The following PTPRD variants were observed in gnomAD, a reference collection of about 807,000 sequenced individuals.
PTPRD encodes the protein protein tyrosine phosphatase receptor type D.
PTPRD carries 34 observed loss-of-function variants against 214.5 expected under a neutral mutation model. That is an observed-to-expected ratio of 0.16 (90% CI 0.12 to 0.21). The LOEUF (loss-of-function observed/expected upper bound fraction) is 0.21, where lower values mean the gene tolerates loss of function less well. Among genes scored for constraint, PTPRD ranks in the 10% least tolerant of loss-of-function variants. The pLI is 1.00. For missense variants in PTPRD, 2,545 were observed against 2,398.7 expected (o/e 1.06, Z -1.27); for synonymous variants, 1,128 against 845.7 (o/e 1.33, Z -5.79).
intron 7 of PTPRD, among the ~76,000 whole-genome samples, chr9:9,607,917 T>C (rs1203402839): frequency 2.6e-5 from 4 of 151,976 alleles, no homozygotes; most frequent in Non-Finnish European, 2.9e-5. Context: ...CTCAGTCAAA[T>C]ACACCCAGCA....
chr9:10,236,990 G>C lies in PTPRD; in HGVS notation c.-545+103973C>G, dbSNP rs190468194. 4.0e-3 allele frequency among the ~76,000 whole-genome samples: 614 copies of C among 151,946 alleles called. 2 individuals carry two copies. The highest frequency in any genetic ancestry group is 0.014 in the African/African-American group (587 of 41,488). ...ATTTTTAGAGCAGTGAGAATATTCTGTATGATACAATAATGTTAATACATG... is the reference window on the plus strand; with the variant it reads ...ATTTTTAGAGCAGTGAGAATATTCTCTATGATACAATAATGTTAATACATG... On this transcript the variant is annotated intron_variant, in intron 3 of 45. Coordinates refer to ENST00000381196, the MANE Select transcript of PTPRD (RefSeq NM_002839.4).
chr9:10,023,322 G>T (rs1341083522), intron 4 of PTPRD, among the ~76,000 whole-genome samples: 1 of 152,090 alleles, frequency 6.6e-6, no homozygotes, highest in Non-Finnish European at 1.5e-5. Context: ...ATTGGGAAAG[G>T]AACCTGGGCC....
chr9:8,466,212 C>T (rs1008648032), intron 31 of PTPRD, among the ~76,000 whole-genome samples: 1 of 151,862 alleles, frequency 6.6e-6, no homozygotes, highest in Non-Finnish European at 1.5e-5. Context: ...TTAATATACA[C>T]ATATTAAATA....
intron 11 of PTPRD, among the ~76,000 whole-genome samples, chr9:8,936,646 G>A (rs995637508): frequency 6.6e-6 from 1 of 151,990 alleles, no homozygotes; most frequent in Non-Finnish European, 1.5e-5. Context: ...CACTACATAG[G>A]AATGAAAATG....
At position 9,739,905 on chromosome 9, in the gene PTPRD, T is replaced by C. The variant is rs566875613; in HGVS notation, c.-325-5334A>G. On this transcript the variant is annotated intron_variant, in intron 6 of 45. Coordinates refer to ENST00000381196, the MANE Select transcript of PTPRD (RefSeq NM_002839.4). Reference sequence around the variant, plus strand: ...AAACAGCATTTTAATTTGTATTCATTTCTAAATATTTTCAAGTTGTGTTTT... The same window carrying C: ...AAACAGCATTTTAATTTGTATTCATCTCTAAATATTTTCAAGTTGTGTTTT... Among the ~76,000 whole-genome samples the C allele has an allele frequency of 3.9e-5, 6 of 152,220 alleles. No homozygotes were observed. In the South Asian group the frequency reaches 1.0e-3, roughly 26 times the overall value.
chr9:9,586,625 TA>T (rs1461595526), intron 7 of PTPRD, among the ~76,000 whole-genome samples: 2 of 151,978 alleles, frequency 1.3e-5, no homozygotes, highest in Non-Finnish European at 2.9e-5. Flanking sequence ...ATACCATTTT[TA>T]AAATAGAAAA....
At chr9:8,784,654 T>G (rs568118125) in intron 11 of PTPRD, among the ~76,000 whole-genome samples, 1 of 151,806 alleles carries the variant, frequency 6.6e-6, no homozygotes, top group Non-Finnish European at 1.5e-5. Context: ...ATCTCATGTT[T>G]TTAAAGCGTG....
intron 14 of PTPRD, among the ~76,000 whole-genome samples, chr9:8,566,175 C>T (rs891424020): frequency 1.4e-5 from 2 of 147,480 alleles, no homozygotes; most frequent in Admixed American, 6.9e-5. Context: ...AATGCATTCT[C>T]TTTGGCAGGG....
intron 4 of PTPRD, among the ~76,000 whole-genome samples, chr9:10,019,714 G>A (rs190962795): frequency 4.7e-4 from 71 of 151,820 alleles, no homozygotes; most frequent in African/African-American, 1.6e-3. Context: ...ACTCATAGGT[G>A]GGAATTGAAC....
In PTPRD at chr9:10,459,802, C is replaced by G. The variant is rs895917691; in HGVS notation, c.-599-118785G>C. On this transcript the variant is annotated intron_variant, in intron 2 of 45. Coordinates refer to ENST00000381196, the MANE Select transcript of PTPRD (RefSeq NM_002839.4). ...TTCCTTGTGGATTCTGGATATTAGC[C>G]CTTTGTCAGATGGATAGATTGCAAA... Among the ~76,000 whole-genome samples, 4 of 151,352 alleles carry G rather than the reference C, an allele frequency of 2.6e-5. No homozygotes were observed. The East Asian group carries it at 5.8e-4, about 22-fold the overall frequency.
chr9:9,386,327 C>A (rs2063855947), intron 9 of PTPRD, among the ~76,000 whole-genome samples: 1 of 152,062 alleles, frequency 6.6e-6, no homozygotes, highest in African/African-American at 2.4e-5. Flanking sequence ...TCACATTGAA[C>A]CAATGAGGTA....
intron 14 of PTPRD, among the ~76,000 whole-genome samples, chr9:8,529,801 G>T (rs61124267): frequency 0.059 from 8,990 of 152,122 alleles, 735 homozygotes; most frequent in African/African-American, 0.19. Context: ...ATGAATTTTT[G>T]TTATTATACT....
At chr9:9,835,319 A>G (rs1181281261) in intron 5 of PTPRD, among the ~76,000 whole-genome samples, 1 of 152,070 alleles carries the variant, frequency 6.6e-6, no homozygotes, top group Non-Finnish European at 1.5e-5. Flanking sequence ...TGGATTCAAT[A>G]AACAGTACAT....
chr9:9,303,868 A>C (rs181073030), intron 9 of PTPRD, among the ~76,000 whole-genome samples: 1 of 152,256 alleles, frequency 6.6e-6, no homozygotes, highest in East Asian at 1.9e-4. Context: ...TCTCCTAAAC[A>C]TAAAATTCAA....
At chr9:10,282,288 A>T (rs1028156803) in intron 3 of PTPRD, among the ~76,000 whole-genome samples, 1 of 152,176 alleles carries the variant, frequency 6.6e-6, no homozygotes, top group African/African-American at 2.4e-5. Context: ...CTGACTCATA[A>T]CGGATATGGA....
chr9:9,031,205 C>T (rs1264383174), intron 10 of PTPRD, among the ~76,000 whole-genome samples: 1 of 107,664 alleles, frequency 9.3e-6, no homozygotes, highest in African/African-American at 3.6e-5. Flanking sequence ...TAAATACTTA[C>T]TAGTATTATA....
At chr9:8,509,398 T>G (rs778494971) in intron 21 of PTPRD, among the ~76,000 whole-genome samples, 1 of 152,190 alleles carries the variant, frequency 6.6e-6, no homozygotes, top group Non-Finnish European at 1.5e-5. Context: ...CATATGCCTA[T>G]GTATGCAGTC....
intron 39 of PTPRD, among the ~76,000 whole-genome samples, chr9:8,342,189 G>C (rs1215727193): frequency 6.6e-6 from 1 of 151,890 alleles, no homozygotes; most frequent in African/African-American, 2.4e-5. Context: ...AGTAAAATTA[G>C]TTTAGTTTTA....
intron 8 of PTPRD, among the ~76,000 whole-genome samples, chr9:9,440,976 C>T (rs909871294): frequency 1.3e-5 from 2 of 152,180 alleles, no homozygotes; most frequent in Admixed American, 1.3e-4. Context: ...TTCAGGCCTG[C>T]TGTTAGCCTA....
Sources: allele counts gnomAD v4.1 joint callset (sites outside exome capture counted in the v4.1 genomes callset), GRCh38; gene constraint gnomAD v4.1.1; transcripts MANE v1.5; gene names NCBI Gene and HGNC (gene_info 2026-07-23, HGNC 2026-07-21).